The following MARCHF1 variants were observed in gnomAD, a reference collection of about 807,000 sequenced individuals.
MARCHF1 encodes membrane associated ring-CH-type finger 1, also known as E3 ubiquitin-protein ligase MARCHF1.
A neutral mutation model predicts 54.2 loss-of-function variants in MARCHF1; 40 were observed. The ratio of observed to expected loss-of-function variants is 0.74; its 90% CI spans 0.57 to 0.96. MARCHF1 has a LOEUF of 0.96. Among genes scored for constraint, MARCHF1 ranks in the 40% least tolerant of loss-of-function variants. The pLI is 0.00. For missense variants in MARCHF1, 586 were observed against 656.5 expected (o/e 0.89, Z 1.17); for synonymous variants, 236 against 236.3 (o/e 1.00, Z 0.01).
At chr4:164,053,053 C>T (rs1238914355) in intron 2 of MARCHF1, among the ~76,000 whole-genome samples, 1 of 152,064 alleles carries the variant, frequency 6.6e-6, no homozygotes, top group African/African-American at 2.4e-5. Context: ...TGGCAGTCAA[C>T]AACTCAAGTT....
chr4:163,783,363 A>G (rs528523060), intron 4 of MARCHF1, among the ~76,000 whole-genome samples: 64 of 152,370 alleles, frequency 4.2e-4, no homozygotes, highest in Non-Finnish European at 1.6e-4. Context: ...AACATAAGTC[A>G]TTACATAGCT....
At chr4:163,994,257 A>AG (rs1240127790) in intron 2 of MARCHF1, among the ~76,000 whole-genome samples, 9 of 137,130 alleles carry the variant, frequency 6.6e-5, no homozygotes, top group African/African-American at 2.2e-4. Flanking sequence ...ATAGAGAAAA[A>AG]GTGTGTGTGT....
intron 3 of MARCHF1, among the ~76,000 whole-genome samples, chr4:163,967,421 T>C (rs1453910718): frequency 6.6e-6 from 1 of 152,126 alleles, no homozygotes; most frequent in Non-Finnish European, 1.5e-5. Flanking sequence ...TGAAGATATG[T>C]TTTAAGAAAG....
intron 1 of MARCHF1, among the ~76,000 whole-genome samples, chr4:164,209,183 C>T (rs946364561): frequency 2.0e-5 from 3 of 151,986 alleles, no homozygotes; most frequent in African/African-American, 7.2e-5. Context: ...ATCTCTGTGG[C>T]TTAACATATT....
chr4:163,940,482 A>G (rs1366695765), intron 3 of MARCHF1, among the ~76,000 whole-genome samples: 1 of 152,084 alleles, frequency 6.6e-6, no homozygotes, highest in African/African-American at 2.4e-5. Flanking sequence ...AAATACATGA[A>G]TACTGTAATA....
chr4:164,068,688 C>T (rs1754785713), intron 2 of MARCHF1, among the ~76,000 whole-genome samples: 1 of 152,164 alleles, frequency 6.6e-6, no homozygotes, highest in African/African-American at 2.4e-5. Context: ...AGTGCCGCCC[C>T]CTGCTCCATG....
rs148823095 is a variant in MARCHF1 at position 163,721,018 on chromosome 4, A to G, written c.112-20155T>C. Among the ~76,000 whole-genome samples the G allele has an allele frequency of 8.8e-3, 1,345 of 152,216 alleles. 16 individuals carry two copies. Among genetic ancestry groups the G allele is most frequent in the African/African-American group, 0.031 (1,278 of 41,528 alleles). On this transcript the variant is annotated intron_variant, in intron 4 of 9. Coordinates refer to ENST00000514618, the MANE Select transcript of MARCHF1 (RefSeq NM_001394959.1). ...CTCTTTTCCTAATTGAATACCTTTTATTTCTTTCTCCTACCTGACTGCCCT... is the reference window on the plus strand; with the variant it reads ...CTCTTTTCCTAATTGAATACCTTTTGTTTCTTTCTCCTACCTGACTGCCCT...
intron 2 of MARCHF1, among the ~76,000 whole-genome samples, chr4:164,078,073 C>A (rs1755016254): frequency 6.6e-6 from 1 of 152,178 alleles, no homozygotes; most frequent in Non-Finnish European, 1.5e-5. Flanking sequence ...TATAAAGACA[C>A]ATGCACACGT....
At chr4:164,350,453 T>C (rs1297124106) in intron 1 of MARCHF1, among the ~76,000 whole-genome samples, 4 of 152,272 alleles carry the variant, frequency 2.6e-5, no homozygotes, top group African/African-American at 9.6e-5. Context: ...ATAGGATGAA[T>C]ATATTTAATA....
intron 5 of MARCHF1, among the ~76,000 whole-genome samples, chr4:163,662,670 A>G (rs1410864640): frequency 1.3e-5 from 2 of 151,962 alleles, no homozygotes; most frequent in African/African-American, 2.4e-5. Flanking sequence ...CACTCACTCA[A>G]AAGCTGATTA....
At chr4:163,899,044 G>A (rs1750879563) in intron 3 of MARCHF1, among the ~76,000 whole-genome samples, 1 of 152,132 alleles carries the variant, frequency 6.6e-6, no homozygotes, top group Non-Finnish European at 1.5e-5. Context: ...AAAGTGGAAG[G>A]GGTTGAAAAA....
At chr4:163,585,568 A>G (rs915424036) in intron 8 of MARCHF1, 181 bp downstream of exon 8, 3 of 436,624 alleles carry the variant, frequency 6.9e-6, no homozygotes, top group Non-Finnish European at 1.2e-5. Context: ...AAAACATAGA[A>G]GAAAGGAAGG....
At chr4:164,018,424 ACT>A (rs923447910) in intron 2 of MARCHF1, among the ~76,000 whole-genome samples, 3 of 151,854 alleles carry the variant, frequency 2.0e-5, no homozygotes, top group African/African-American at 7.2e-5. Flanking sequence ...TATACCTTAA[ACT>A]CTGCCTATTT....
intron 2 of MARCHF1, among the ~76,000 whole-genome samples, chr4:164,058,423 C>A (rs1754541865): frequency 6.6e-6 from 1 of 152,168 alleles, no homozygotes; most frequent in South Asian, 2.1e-4. Context: ...AACTCATACC[C>A]AAGTCTGGCT....
At chr4:164,091,434 A>ATATATATATATAT (rs56887424) in intron 2 of MARCHF1, among the ~76,000 whole-genome samples, 8 of 147,060 alleles carry the variant, frequency 5.4e-5, no homozygotes, top group African/African-American at 1.5e-4. Flanking sequence ...ATATATGTAT[A>ATATATATATATAT]AAATGAATTG....
chr4:163,912,134 C>T (rs1018252569), intron 3 of MARCHF1, among the ~76,000 whole-genome samples: 7 of 150,254 alleles, frequency 4.7e-5, no homozygotes, highest in Admixed American at 6.6e-5. Context: ...GGGAAAAAAA[C>T]GAGAGAGAGA....
chr4:163,649,128 C>G (rs940319698), intron 5 of MARCHF1, among the ~76,000 whole-genome samples: 3 of 151,818 alleles, frequency 2.0e-5, no homozygotes, highest in Non-Finnish European at 4.4e-5. Flanking sequence ...GAATTAGGTA[C>G]CTGGTTCAGC....
intron 1 of MARCHF1, among the ~76,000 whole-genome samples, chr4:164,191,994 C>A (rs1248026105): frequency 6.6e-6 from 1 of 151,988 alleles, no homozygotes; most frequent in Admixed American, 6.6e-5. Flanking sequence ...TAAAATATGA[C>A]AACTTAAAAT....
chr4:163,888,108 A>G (rs1750578897), intron 3 of MARCHF1, among the ~76,000 whole-genome samples: 1 of 152,198 alleles, frequency 6.6e-6, no homozygotes, highest in South Asian at 2.1e-4. Context: ...TGTTGGGTGC[A>G]ACAAACCCCA....
Sources: gnomAD v4.1 joint callset for allele counts (sites outside exome capture counted in the v4.1 genomes callset) on GRCh38, gnomAD v4.1.1 for gene constraint, MANE v1.5 for transcripts, NCBI Gene and HGNC (gene_info 2026-07-23, HGNC 2026-07-21) for gene names.